Variants in TECPR2 observed in about 807,000 individuals in gnomAD.
TECPR2 encodes the protein tectonin beta-propeller repeat-containing protein 2.
TECPR2 carries 65 observed loss-of-function variants against 138.1 expected under a neutral mutation model. The ratio of observed to expected loss-of-function variants is 0.47; its 90% CI spans 0.39 to 0.58. The LOEUF (loss-of-function observed/expected upper bound fraction) is 0.58, where lower values mean the gene tolerates loss of function less well. Ranked by LOEUF, TECPR2 falls within the 20% of genes least tolerant of loss-of-function variation. The pLI, the probability that TECPR2 is intolerant of heterozygous loss-of-function variation, is 0.00. For missense variants in TECPR2, 1,553 were observed against 1,824.5 expected, an observed-to-expected ratio of 0.85 and a Z score of 2.71; for synonymous variants, 746 against 749.8, an observed-to-expected ratio of 0.99 and a Z score of 0.08.
At chr14:102,456,664 C>A (rs554621553) in intron 16 of TECPR2, among the ~76,000 whole-genome samples, 7 of 151,084 alleles carry the variant, frequency 4.6e-5, no homozygotes, top group South Asian at 4.2e-4. Flanking sequence ...ATCTCGGCTC[C>A]CTGCAAGCTC....
chr14:102,392,808 C>T (rs1019220028), intron 2 of TECPR2, among the ~76,000 whole-genome samples: 2 of 152,312 alleles, frequency 1.3e-5, no homozygotes, highest in Non-Finnish European at 2.9e-5. Context: ...GTGCTACCAA[C>T]ATAGAAGCAC....
At position 102,362,953 on chromosome 14, in the gene TECPR2, G is replaced by A. The variant is rs538742820; in HGVS notation, c.-236G>A. The A allele has an allele frequency of 6.8e-7, 1 of 1,467,688 alleles. No homozygotes were observed. Among genetic ancestry groups the A allele is most frequent in the East Asian group, 2.4e-5 (1 of 41,238 alleles). 90.9% of individuals were successfully genotyped at this position (1,467,688 alleles called of 1,614,324 possible). On this transcript the variant is annotated 5_prime_UTR_variant, in exon 1 of 20. Coordinates refer to ENST00000359520, the MANE Select transcript of TECPR2 (RefSeq NM_014844.5). The stretch of plus-strand genomic sequence containing the variant: ...CCCGCCCGCTGCCACTTGTGGCTCT[G>A]CCGCTCTAGCCCCCGGCGGAGCCAG...
intron 17 of TECPR2, among the ~76,000 whole-genome samples, chr14:102,476,683 A>G (rs1232440844): frequency 6.6e-6 from 1 of 152,196 alleles, no homozygotes; most frequent in East Asian, 1.9e-4. Flanking sequence ...AAGAAATACA[A>G]CTGAAAGTTG....
At chr14:102,380,427 T>G (rs1887770187) in intron 2 of TECPR2, among the ~76,000 whole-genome samples, 1 of 152,244 alleles carries the variant, frequency 6.6e-6, no homozygotes, top group South Asian at 2.1e-4. Flanking sequence ...TTTTATTGAC[T>G]CACAGTTACG....
intron 16 of TECPR2, among the ~76,000 whole-genome samples, chr14:102,458,329 C>T (rs1345528621): frequency 5.9e-5 from 9 of 152,220 alleles, no homozygotes; most frequent in Non-Finnish European, 1.2e-4. Context: ...AGTTGCTGTA[C>T]TGCAGTAGCT....
intron 17 of TECPR2, among the ~76,000 whole-genome samples, chr14:102,491,182 C>A (rs1172063241): frequency 2.0e-5 from 3 of 152,218 alleles, no homozygotes; most frequent in African/African-American, 7.2e-5. Context: ...GTGTGAGCCA[C>A]CGCGCTCAGC....
At position 102,443,043 on chromosome 14, in the gene TECPR2, G is replaced by A. The variant is rs781428128; in HGVS notation, c.2753-604G>A. On this transcript the variant is annotated intron_variant, in intron 11 of 19. Coordinates refer to ENST00000359520, the MANE Select transcript of TECPR2 (RefSeq NM_014844.5). The surrounding 1 kb of genome is among the most constrained non-coding windows in gnomAD (Gnocchi z 4.9). Reference sequence around the variant, plus strand: ...GGTTTCATTTTATTAGTGGAACCTCGCACCCAGTCAGAGCAGAGAGGAGCC... The same window carrying A: ...GGTTTCATTTTATTAGTGGAACCTCACACCCAGTCAGAGCAGAGAGGAGCC... Among the ~76,000 whole-genome samples the A allele has an allele frequency of 3.7e-4, 57 of 152,206 alleles. No homozygotes were observed. The highest frequency in any genetic ancestry group is 7.2e-4 in the Admixed American group (11 of 15,278).
chr14:102,404,084 T>G (rs1380042871), intron 2 of TECPR2, among the ~76,000 whole-genome samples: 1 of 151,588 alleles, frequency 6.6e-6, no homozygotes, highest in African/African-American at 2.4e-5. Context: ...TTTAATTTTT[T>G]GTAGAGATGG....
intron 15 of TECPR2, 70 bp downstream of exon 15, chr14:102,450,719 T>A: frequency 6.7e-7 from 1 of 1,502,080 alleles, no homozygotes; most frequent in South Asian, 1.1e-5. Flanking sequence ...CAAACCACAG[T>A]CGGACTGTGG....
rs984235313 is a variant in TECPR2, at chr14:102,415,142, G to A, written c.638+349G>A. On this transcript the variant is annotated intron_variant, in intron 5 of 19. Transcript: ENST00000359520. This position sits in a 1 kb window ranked among gnomAD's most constrained non-coding sequence, Gnocchi z 4.3. Reference sequence around the variant, plus strand: ...ACAGCCCTGGTGAGGGGTCAGGGTTGTGGGGCTCACTCGTTATTCAGCACG... The same window carrying A: ...ACAGCCCTGGTGAGGGGTCAGGGTTATGGGGCTCACTCGTTATTCAGCACG... 1.3e-5 allele frequency among the ~76,000 whole-genome samples: 2 copies of A among 152,218 alleles called. No homozygotes were observed. The highest frequency in any genetic ancestry group is 4.8e-5 in the African/African-American group (2 of 41,468).
At chr14:102,485,049 C>T (rs1037401326) in intron 17 of TECPR2, among the ~76,000 whole-genome samples, 33 of 152,240 alleles carry the variant, frequency 2.2e-4, no homozygotes, top group Non-Finnish European at 8.8e-5. Context: ...TCATCACTGC[C>T]CAGAAGCTTC....
At chr14:102,416,597 C>T (rs1647235678) in intron 5 of TECPR2, among the ~76,000 whole-genome samples, 1 of 152,236 alleles carries the variant, frequency 6.6e-6, no homozygotes, top group African/African-American at 2.4e-5. Context: ...CAATGTTTTA[C>T]TGCACTGTCT....
chr14:102,404,645 C>T (rs138306652), intron 2 of TECPR2, among the ~76,000 whole-genome samples: 4,129 of 151,052 alleles, frequency 0.027, 76 homozygotes, highest in Middle Eastern at 0.086. Context: ...GGCGTGATCT[C>T]GGCTCACTGC....
chr14:102,432,575 A>C (rs1379636202), intron 8 of TECPR2, among the ~76,000 whole-genome samples: 2 of 152,014 alleles, frequency 1.3e-5, no homozygotes, highest in African/African-American at 4.8e-5. Flanking sequence ...TTGTATTTTT[A>C]GTAGATACAG....
chr14:102,404,668 C>T (rs1888604379), intron 2 of TECPR2, among the ~76,000 whole-genome samples: 1 of 151,718 alleles, frequency 6.6e-6, no homozygotes, highest in African/African-American at 2.4e-5. Context: ...CCTCCACCTC[C>T]TAGGTTCAAA....
At chr14:102,436,862 A>G (rs1048892223) in intron 9 of TECPR2, among the ~76,000 whole-genome samples, 10 of 152,324 alleles carry the variant, frequency 6.6e-5, no homozygotes, top group Non-Finnish European at 1.0e-4. Flanking sequence ...AGGAAGCGCA[A>G]GCAGCATGGC....
chr14:102,490,820 T>G (rs1891141957), intron 17 of TECPR2, among the ~76,000 whole-genome samples: 1 of 152,258 alleles, frequency 6.6e-6, no homozygotes, highest in Non-Finnish European at 1.5e-5. Flanking sequence ...TGCCCTTCCC[T>G]GCAGCTTGTC....
intron 16 of TECPR2, among the ~76,000 whole-genome samples, chr14:102,454,552 A>C (rs1890229615): frequency 1.3e-5 from 2 of 152,146 alleles, no homozygotes; most frequent in Admixed American, 1.3e-4. Context: ...ACTGACAGTG[A>C]CTGATAGACA....
At position 102,470,822 on chromosome 14, in the gene TECPR2, T is replaced by G. The variant is rs866295416; in HGVS notation, c.3789+5533T>G. On this transcript the variant is annotated intron_variant, in intron 17 of 19. Coordinates refer to ENST00000359520, the MANE Select transcript of TECPR2 (RefSeq NM_014844.5). ...GCCCGGCTAATTTTGTTTCTTGTGT[T>G]TTTTTTTTTTTTTTGAGACGGAGTC... Among the ~76,000 whole-genome samples, 60 of 67,622 alleles carry G rather than the reference T, an allele frequency of 8.9e-4. No individual in the cohort carries two copies. In the East Asian group the frequency reaches 0.01, roughly 11 times the overall value. The allele number at this position is 67,622 out of a possible 152,430, so 44.4% of individuals were successfully genotyped here.
Sources: gnomAD v4.1 joint callset for allele counts (sites outside exome capture counted in the v4.1 genomes callset) on GRCh38, gnomAD v4.1.1 for gene constraint, Gnocchi (gnomAD v3.1) non-coding constraint, MANE v1.5 for transcripts, NCBI Gene and HGNC (gene_info 2026-07-23, HGNC 2026-07-21) for gene names.